The following USH2A variants were observed in gnomAD, a reference collection of about 807,000 sequenced individuals.
USH2A encodes Usher syndrome 2A (autosomal recessive, mild).
USH2A carries 443 observed loss-of-function variants against 538.9 expected under a neutral mutation model. That is an observed-to-expected ratio of 0.82 (90% CI 0.76 to 0.89). The LOEUF (loss-of-function observed/expected upper bound fraction) is 0.89, where lower values mean the gene tolerates loss of function less well. USH2A is among the 40% of genes least tolerant of loss of function. The pLI is 0.00. For missense variants in USH2A, 6,633 were observed against 6,324.8 expected (o/e 1.05, Z -1.65); for synonymous variants, 2,413 against 2,273.5 (o/e 1.06, Z -1.75).
intron 6 of USH2A, 40 bp downstream of exon 6, chr1:216,325,265 A>G: frequency 1.2e-6 from 2 of 1,606,238 alleles, no homozygotes; most frequent in Non-Finnish European, 1.7e-6. Context: ...TGTTGCAATA[A>G]CCACAGGAAA....
chr1:215,877,732 T>G (rs751457053), intron 43 of USH2A, 26 bp downstream of exon 43: 1 of 1,613,054 alleles, frequency 6.2e-7, no homozygotes, highest in Non-Finnish European at 8.5e-7. Context: ...TGCCAGCATT[T>G]GTTTTTATAG....
intron 14 of USH2A, among the ~76,000 whole-genome samples, chr1:216,225,000 A>C (rs943967543): frequency 2.2e-4 from 34 of 152,266 alleles, no homozygotes; most frequent in African/African-American, 7.9e-4. Flanking sequence ...ATTTCAAAGT[A>C]GATTCAAATG....
At chr1:215,725,141 C>A (rs747821557) in intron 61 of USH2A, among the ~76,000 whole-genome samples, 1 of 152,070 alleles carries the variant, frequency 6.6e-6, no homozygotes, top group Non-Finnish European at 1.5e-5. Flanking sequence ...TCAAGCAATT[C>A]TCCTGCCTCA....
chr1:215,687,438 T>A (rs1377545151), intron 61 of USH2A, among the ~76,000 whole-genome samples: 1 of 151,962 alleles, frequency 6.6e-6, no homozygotes, highest in South Asian at 2.1e-4. Flanking sequence ...AAAAGAAGAC[T>A]CAATTCACAG....
chr1:216,157,286 A>G (rs566171625), intron 21 of USH2A, among the ~76,000 whole-genome samples: 1 of 152,208 alleles, frequency 6.6e-6, no homozygotes, highest in Non-Finnish European at 1.5e-5. Flanking sequence ...ACCATCTCAC[A>G]CTAGTCAGAA....
chr1:216,096,785 A>C (rs1231379823), intron 22 of USH2A, among the ~76,000 whole-genome samples: 4 of 152,194 alleles, frequency 2.6e-5, no homozygotes, highest in Non-Finnish European at 5.9e-5. Context: ...ATAAAAATAG[A>C]TCTCTTTAAA....
chr1:215,705,630 G>T (rs1438848251), intron 61 of USH2A, among the ~76,000 whole-genome samples: 2 of 152,176 alleles, frequency 1.3e-5, no homozygotes, highest in African/African-American at 2.4e-5. Flanking sequence ...TAAAAGGTCA[G>T]TGCTTAACTT....
rs1326701520 is a variant in USH2A at position 215,671,224 on chromosome 1, G to C, written c.13881C>G (p.Thr4627=). 1 of 1,613,974 alleles carries C rather than the reference G, an allele frequency of 6.2e-7. No individual in the cohort carries two copies. The highest frequency in any genetic ancestry group is 1.3e-5 in the African/African-American group (1 of 74,866). Residue 4627 remains threonine (T), a synonymous_variant, in exon 64 of 72, where the codon ACC becomes ACG. Coordinates refer to ENST00000307340, the MANE Select transcript of USH2A (RefSeq NM_206933.4). ...CASSDWTFIQ[T]PEIAPLMQPP... Reference sequence around the variant, plus strand: ...GTTGCATCAAAGGTGCAATCTCAGGGGTCTGTATGAATGTCCAGTCACTTG... The same window carrying C: ...GTTGCATCAAAGGTGCAATCTCAGGCGTCTGTATGAATGTCCAGTCACTTG...
intron 15 of USH2A, among the ~76,000 whole-genome samples, chr1:216,216,991 C>T (rs1558323202): frequency 1.3e-5 from 2 of 149,906 alleles, no homozygotes. Context: ...CTTTATTTGT[C>T]AAAAAAAAAT....
chr1:216,212,523 C>G (rs895757553), intron 15 of USH2A, among the ~76,000 whole-genome samples: 1 of 152,126 alleles, frequency 6.6e-6, no homozygotes, highest in Non-Finnish European at 1.5e-5. Context: ...AGATCCATCT[C>G]TTTGGGAACC....
chr1:216,155,909 A>G (rs1264214024), intron 21 of USH2A, among the ~76,000 whole-genome samples: 1 of 152,220 alleles, frequency 6.6e-6, no homozygotes, highest in African/African-American at 2.4e-5. Flanking sequence ...TTAGATGATT[A>G]AATAAAATTG....
At chr1:216,139,232 TG>T (rs1417507692) in intron 21 of USH2A, among the ~76,000 whole-genome samples, 1 of 152,116 alleles carries the variant, frequency 6.6e-6, no homozygotes, top group African/African-American at 2.4e-5. Flanking sequence ...TGTCCATTTT[TG>T]TTTAGAATGG....
At chr1:216,408,665 A>G (rs780187908) in intron 3 of USH2A, among the ~76,000 whole-genome samples, 1 of 152,164 alleles carries the variant, frequency 6.6e-6, no homozygotes, top group Non-Finnish European at 1.5e-5. Context: ...TTTCACTTAA[A>G]AGAGGGACTT....
chr1:216,256,183 T>C (rs2036255731), intron 11 of USH2A, among the ~76,000 whole-genome samples: 1 of 152,034 alleles, frequency 6.6e-6, no homozygotes, highest in Non-Finnish European at 1.5e-5. Flanking sequence ...TTTCCTTTTT[T>C]AACCAATCTT....
chr1:216,232,988 C>T (rs1414729857), intron 13 of USH2A, among the ~76,000 whole-genome samples: 2 of 152,202 alleles, frequency 1.3e-5, no homozygotes, highest in East Asian at 3.8e-4. Flanking sequence ...CCAGACCACC[C>T]AGTCCCGGAG....
chr1:216,061,170 A>T (rs2031167363), intron 30 of USH2A, among the ~76,000 whole-genome samples: 1 of 152,338 alleles, frequency 6.6e-6, no homozygotes, highest in South Asian at 2.1e-4. Context: ...ACTGGGATTT[A>T]TCTCATTTAA....
intron 21 of USH2A, among the ~76,000 whole-genome samples, chr1:216,107,056 A>G (rs1021084087): frequency 4.6e-5 from 7 of 151,880 alleles, no homozygotes; most frequent in African/African-American, 1.4e-4. Flanking sequence ...TTTGTAGTGT[A>G]CATACTTTCA....
Position 216,323,493 on chromosome 1 carries a change from C to T in USH2A, c.1531G>A (p.Glu511Lys), listed in dbSNP as rs767209934. 3 of 1,613,270 alleles carry T rather than the reference C, an allele frequency of 1.9e-6. No homozygotes were observed. Among genetic ancestry groups the T allele is most frequent in the Admixed American group, 1.7e-5 (1 of 59,920 alleles). The stretch of plus-strand genomic sequence containing the variant: ...TAATACCTCCCACTAATGGTGATTT[C>T]GTCCACTGCATAATATCTGTGTCTG... ...NLRHRYYAVD[E>K]ITISGRCQCH... The change falls in exon 8 of 72, where the codon GAA becomes AAA. Residue 511 changes from glutamate (E) to lysine (K), a missense_variant. Coordinates refer to ENST00000307340, the MANE Select transcript of USH2A (RefSeq NM_206933.4).
At chr1:215,957,858 G>A (rs1312988466) in intron 37 of USH2A, among the ~76,000 whole-genome samples, 2 of 152,070 alleles carry the variant, frequency 1.3e-5, no homozygotes, top group East Asian at 3.9e-4. Context: ...GTTCTCCGAC[G>A]GGATTCCAAG....
Sources: gnomAD v4.1 joint callset for allele counts (sites outside exome capture counted in the v4.1 genomes callset) on GRCh38, gnomAD v4.1.1 for gene constraint, MANE v1.5 for transcripts, NCBI Gene and HGNC (gene_info 2026-07-23, HGNC 2026-07-21) for gene names.